NXNL2: variants seen among roughly 807,000 people sequenced by gnomAD.
NXNL2 encodes the protein nucleoredoxin-like protein 2.
NXNL2 carries 7 observed loss-of-function variants against 11.1 expected under a neutral mutation model. The ratio of observed to expected loss-of-function variants is 0.63; its 90% CI spans 0.36 to 1.18. The LOEUF (loss-of-function observed/expected upper bound fraction) is 1.18. Ranked by LOEUF, NXNL2 falls within the 50% of genes most tolerant of loss-of-function variation. The pLI is 0.02. For missense variants in NXNL2, 233 were observed against 217.7 expected, an observed-to-expected ratio of 1.07 and a Z score of -0.44; for synonymous variants, 109 against 101.8, an observed-to-expected ratio of 1.07 and a Z score of -0.42.
At chr9:88,558,510 T>C (rs1241882906) in intron 1 of NXNL2, among the ~76,000 whole-genome samples, 2 of 152,106 alleles carry the variant, frequency 1.3e-5, no homozygotes, top group African/African-American at 4.8e-5. Context: ...CTGTAGCAAA[T>C]TAAACAAACT....
intron 1 of NXNL2, among the ~76,000 whole-genome samples, chr9:88,537,632 A>G (rs1829655580): frequency 6.6e-6 from 1 of 152,172 alleles, no homozygotes; most frequent in Non-Finnish European, 1.5e-5. Context: ...TGCTTATCCT[A>G]CGTCTACAGG....
chr9:88,539,456 C>G (rs1417972015), intron 1 of NXNL2, among the ~76,000 whole-genome samples: 1 of 152,116 alleles, frequency 6.6e-6, no homozygotes, highest in Non-Finnish European at 1.5e-5. Flanking sequence ...TTCCAGGTTC[C>G]TGAGATAACA....
At chr9:88,560,656 C>T (rs1467931450) in intron 1 of NXNL2, among the ~76,000 whole-genome samples, 2 of 152,120 alleles carry the variant, frequency 1.3e-5, no homozygotes, top group African/African-American at 4.8e-5. Flanking sequence ...TAAATCCCTG[C>T]TATTGTGGAT....
At chr9:88,548,572 C>T (rs1221029087), downstream of NXNL2, among the ~76,000 whole-genome samples, 2 of 149,690 alleles carry the variant, frequency 1.3e-5, no homozygotes, top group East Asian at 2.0e-4. Context: ...TCTGTAGTCC[C>T]AGCTACTCAG....
chr9:88,546,560 C>T (rs1446735576), downstream of NXNL2, among the ~76,000 whole-genome samples: 4 of 151,486 alleles, frequency 2.6e-5, no homozygotes, highest in South Asian at 4.2e-4. Flanking sequence ...GGATTAGAGG[C>T]GCCTGCCACC....
chr9:88,578,173 T>C (rs1830368383), downstream of NXNL2, among the ~76,000 whole-genome samples: 1 of 152,118 alleles, frequency 6.6e-6, no homozygotes, highest in Admixed American at 6.5e-5. Context: ...CAAGAGAAAA[T>C]GGAGTTCCAT....
In NXNL2 at chr9:88,544,735, C is replaced by A; in HGVS notation, c.*188C>A. The A allele has an allele frequency of 7.3e-7, 1 of 1,369,676 alleles. No homozygotes were observed. The highest frequency in any genetic ancestry group is 9.4e-7 in the Non-Finnish European group (1 of 1,066,900). 84.8% of individuals were successfully genotyped at this position (1,369,676 alleles called of 1,614,324 possible). On this transcript the variant is annotated 3_prime_UTR_variant, in exon 2 of 2. Coordinates refer to ENST00000375854, the MANE Select transcript of NXNL2 (RefSeq NM_001161625.2). ...TAATACACTCCATATTTTGATCATGCAGGCTGTTTGTATTATAGTTATTTT... is the reference window on the plus strand; with the variant it reads ...TAATACACTCCATATTTTGATCATGAAGGCTGTTTGTATTATAGTTATTTT...
chr9:88,578,565 A>G (rs1830374980), downstream of NXNL2, among the ~76,000 whole-genome samples: 1 of 152,094 alleles, frequency 6.6e-6, no homozygotes, highest in Admixed American at 6.5e-5. Flanking sequence ...CTGGCTGTGT[A>G]TTTTCTTTTC....
At chr9:88,569,641 TTAAG>T (rs1251480993) in intron 1 of NXNL2, among the ~76,000 whole-genome samples, 7 of 152,224 alleles carry the variant, frequency 4.6e-5, no homozygotes, top group Non-Finnish European at 7.3e-5. Context: ...CTTATTGTTA[TTAAG>T]TGTTTTAAAA....
At chr9:88,537,677 A>G (rs1442450583) in intron 1 of NXNL2, among the ~76,000 whole-genome samples, 4 of 152,184 alleles carry the variant, frequency 2.6e-5, no homozygotes, top group African/African-American at 9.7e-5. Context: ...CTCTTGGTTC[A>G]AAGACCAATC....
chr9:88,583,226 AC>A (rs1480773786), intron 1 of NXNL2, among the ~76,000 whole-genome samples: 1 of 152,156 alleles, frequency 6.6e-6, no homozygotes, highest in African/African-American at 2.4e-5. Flanking sequence ...GGCATTTGTT[AC>A]CGCTGCACTG....
At chr9:88,582,970 A>G (rs1034428709) in intron 1 of NXNL2, among the ~76,000 whole-genome samples, 1 of 152,160 alleles carries the variant, frequency 6.6e-6, no homozygotes, top group East Asian at 1.9e-4. Flanking sequence ...GCCTGGCCCA[A>G]CGATACCCCT....
intron 1 of NXNL2, among the ~76,000 whole-genome samples, chr9:88,550,968 G>A (rs146583777): frequency 6.6e-6 from 1 of 152,244 alleles, no homozygotes; most frequent in East Asian, 1.9e-4. Context: ...TCTCAAGGCT[G>A]GGTAGGTGCC....
exon 3 of NXNL2, chr9:88,575,146 G>T (rs1039035744): frequency 2.0e-6 from 2 of 985,332 alleles, no homozygotes; most frequent in Non-Finnish European, 2.4e-6. Flanking sequence ...CTCCGAGAGT[G>T]CAGCTGTTCT....
intron 1 of NXNL2, among the ~76,000 whole-genome samples, chr9:88,564,296 TCTATCTATC>T (rs1830135796): frequency 7.0e-6 from 1 of 142,124 alleles, no homozygotes; most frequent in South Asian, 2.2e-4. Context: ...TATCTATCTA[TCTATCTATC>T]TATCTATCTA....
intron 1 of NXNL2, among the ~76,000 whole-genome samples, chr9:88,564,081 T>C (rs140824749): frequency 0.033 from 4,983 of 151,780 alleles, 297 homozygotes; most frequent in African/African-American, 0.11. Context: ...CGTGGTGGCA[T>C]GTGTCTGTAA....
chr9:88,577,408 T>A (rs955707971), downstream of NXNL2, among the ~76,000 whole-genome samples: 1 of 151,978 alleles, frequency 6.6e-6, no homozygotes, highest in Non-Finnish European at 1.5e-5. Flanking sequence ...CAGGTGAGCA[T>A]GTCTACGGTC....
chr9:88,574,456 G>A (rs1017761507), intron 2 of NXNL2, among the ~76,000 whole-genome samples: 1 of 152,166 alleles, frequency 6.6e-6, no homozygotes, highest in African/African-American at 2.4e-5. Context: ...ATGTACATTG[G>A]TTTGGTCCAG....
At chr9:88,581,806 G>A (rs1039928214) in intron 1 of NXNL2, among the ~76,000 whole-genome samples, 20 of 152,192 alleles carry the variant, frequency 1.3e-4, no homozygotes, top group Non-Finnish European at 7.3e-5. Flanking sequence ...TTCCAGATCA[G>A]TAAGAACATA....
Sources: gnomAD v4.1 joint callset for allele counts (sites outside exome capture counted in the v4.1 genomes callset) on GRCh38, gnomAD v4.1.1 for gene constraint, MANE v1.5 for transcripts, NCBI Gene and HGNC (gene_info 2026-07-23, HGNC 2026-07-21) for gene names.